FAM169A: variants seen among roughly 807,000 people sequenced by gnomAD.
FAM169A encodes family with sequence similarity 169 member A.
In FAM169A, 24 loss-of-function variants were observed where a neutral mutation model predicts 75.7. The observed-to-expected ratio is 0.32, with a 90% CI of 0.23 to 0.45. The LOEUF (loss-of-function observed/expected upper bound fraction) is 0.45. FAM169A is among the 20% of genes least tolerant of loss of function. FAM169A has a pLI of 1.00. For missense variants in FAM169A, 673 were observed against 784.0 expected (o/e 0.86, Z 1.69); for synonymous variants, 271 against 271.0 (o/e 1.00, Z 0.00).
intron 1 of FAM169A, chr5:74,865,328 A>G (rs1279173210): frequency 4.6e-5 from 7 of 152,266 alleles, no homozygotes; most frequent in South Asian, 2.1e-4. Context: ...ACCCGTACAC[A>G]CGTTTTAATT....
intron 1 of FAM169A, among the ~76,000 whole-genome samples, chr5:74,842,766 G>A (rs1748949722): frequency 6.6e-6 from 1 of 151,628 alleles, no homozygotes; most frequent in African/African-American, 2.4e-5. Flanking sequence ...AACACTAAAG[G>A]TTTTAACACT....
intron 5 of FAM169A, among the ~76,000 whole-genome samples, chr5:74,823,540 G>T (rs1747868934): frequency 6.6e-6 from 1 of 152,054 alleles, no homozygotes; most frequent in Non-Finnish European, 1.5e-5. Flanking sequence ...TGATGTTGTG[G>T]GTTTTACTGT....
intron 1 of FAM169A, among the ~76,000 whole-genome samples, chr5:74,851,547 G>A (rs555032383): frequency 1.3e-5 from 2 of 152,174 alleles, no homozygotes; most frequent in Non-Finnish European, 1.5e-5. Flanking sequence ...TACTTGCCTC[G>A]AAACATTTGC....
intron 11 of FAM169A, among the ~76,000 whole-genome samples, chr5:74,785,896 C>G (rs1745672282): frequency 6.6e-6 from 1 of 152,190 alleles, no homozygotes; most frequent in Non-Finnish European, 1.5e-5. Context: ...ATTGTGATGG[C>G]TAATACTGTC....
intron 10 of FAM169A, chr5:74,799,272 G>A: frequency 6.5e-7 from 1 of 1,544,752 alleles, no homozygotes; most frequent in East Asian, 2.2e-5. Context: ...TGATGATCCT[G>A]AGAATTAATC....
At chr5:74,805,706 A>T (rs1187467812) in intron 6 of FAM169A, among the ~76,000 whole-genome samples, 1 of 151,706 alleles carries the variant, frequency 6.6e-6, no homozygotes, top group Non-Finnish European at 1.5e-5. Context: ...AATTTTTGTT[A>T]AAAAAGTGCT....
chr5:74,793,831 G>A (rs939729171), intron 11 of FAM169A, among the ~76,000 whole-genome samples: 2 of 151,486 alleles, frequency 1.3e-5, no homozygotes, highest in South Asian at 2.1e-4. Context: ...GTGAAACCCC[G>A]TCTCTACTAA....
Position 74,866,210 on chromosome 5 carries a change from C to T in FAM169A, c.-49G>A. Reference sequence around the variant, plus strand: ...CGCTGGAAGAGCCCGGGAAAGGAGGCGGAGCCGCGCGAATGAATGGAGCCG... The same window carrying T: ...CGCTGGAAGAGCCCGGGAAAGGAGGTGGAGCCGCGCGAATGAATGGAGCCG... On this transcript the variant is annotated 5_prime_UTR_variant, in exon 1 of 13. Transcript: ENST00000687041. The T allele has an allele frequency of 1.0e-6, 1 of 984,322 alleles. No individual in the cohort carries two copies. Among genetic ancestry groups the T allele is most frequent in the African/African-American group, 1.7e-5 (1 of 57,244 alleles). The allele number at this position is 984,322 out of a possible 1,614,324, so 61.0% of individuals were successfully genotyped here.
chr5:74,815,659 A>G (rs1747433246), intron 5 of FAM169A, among the ~76,000 whole-genome samples: 1 of 152,206 alleles, frequency 6.6e-6, no homozygotes, highest in South Asian at 2.1e-4. Context: ...CCAGACAGTT[A>G]AGGCATTCTA....
intron 5 of FAM169A, among the ~76,000 whole-genome samples, chr5:74,819,998 T>C (rs1409041966): frequency 7.0e-6 from 1 of 143,456 alleles, no homozygotes; most frequent in Non-Finnish European, 1.5e-5. Flanking sequence ...GTATCCTTTT[T>C]TTTTTTTTTT....
intron 1 of FAM169A, among the ~76,000 whole-genome samples, chr5:74,852,417 G>A (rs754901865): frequency 1.3e-5 from 2 of 151,956 alleles, no homozygotes; most frequent in Non-Finnish European, 2.9e-5. Flanking sequence ...CAGGCCCATG[G>A]GAAGAAGGTA....
chr5:74,854,071 A>C (rs112357078), intron 1 of FAM169A, among the ~76,000 whole-genome samples: 175 of 152,250 alleles, frequency 1.1e-3, no homozygotes, highest in African/African-American at 4.0e-3. Flanking sequence ...AATCCAGGAA[A>C]CAATGCATAA....
intron 9 of FAM169A, 80 bp from the exon 10 acceptor site, chr5:74,801,110 G>T: frequency 8.9e-7 from 1 of 1,120,300 alleles, no homozygotes; most frequent in Non-Finnish European, 1.2e-6. Context: ...AGAAATGCAA[G>T]AACTACACTA....
intron 1 of FAM169A, among the ~76,000 whole-genome samples, chr5:74,861,724 A>G (rs1750046126): frequency 6.6e-6 from 1 of 152,162 alleles, no homozygotes; most frequent in African/African-American, 2.4e-5. Flanking sequence ...CTCACATTGT[A>G]TGTTAACAAA....
chr5:74,840,904 C>A (rs1267937548), intron 2 of FAM169A, among the ~76,000 whole-genome samples: 4 of 151,380 alleles, frequency 2.6e-5, no homozygotes, highest in South Asian at 2.1e-4. Flanking sequence ...TATGCTTTAA[C>A]ATTTTTTTGC....
intron 4 of FAM169A, among the ~76,000 whole-genome samples, 173 bp from the exon 5 acceptor site, chr5:74,834,770 C>T (rs1017169658): frequency 3.3e-5 from 5 of 152,146 alleles, no homozygotes; most frequent in Non-Finnish European, 2.9e-5. Context: ...TAATCATTCA[C>T]ATAGATTACA....
intron 7 of FAM169A, 77 bp from the exon 8 acceptor site, chr5:74,804,682 A>G: frequency 1.3e-6 from 1 of 791,926 alleles, no homozygotes; most frequent in East Asian, 2.6e-5. Flanking sequence ...TGATTTTCCT[A>G]AAAGCTCTGA....
At chr5:74,817,896 T>C (rs558184068) in intron 5 of FAM169A, among the ~76,000 whole-genome samples, 26 of 152,204 alleles carry the variant, frequency 1.7e-4, no homozygotes, top group Admixed American at 5.9e-4. Context: ...GCCAAGACAA[T>C]TCTATGGAGG....
chr5:74,796,830 G>A (rs937713131), intron 10 of FAM169A, among the ~76,000 whole-genome samples: 6 of 151,968 alleles, frequency 3.9e-5, no homozygotes, highest in African/African-American at 1.5e-4. Flanking sequence ...CATAATTATG[G>A]ATACTGGCAT....
Sources: gnomAD v4.1 joint callset for allele counts (sites outside exome capture counted in the v4.1 genomes callset) on GRCh38, gnomAD v4.1.1 for gene constraint, MANE v1.5 for transcripts, NCBI Gene and HGNC (gene_info 2026-07-23, HGNC 2026-07-21) for gene names.